Variants in GNRH2 observed in about 807,000 individuals in gnomAD.
GNRH2 encodes the protein progonadoliberin-2.
Under a neutral mutation model 12.1 loss-of-function variants are expected in GNRH2, and 15 were observed. That is an observed-to-expected ratio of 1.24 (90% CI 0.83 to 1.90). The LOEUF (loss-of-function observed/expected upper bound fraction) is 1.90, where lower values mean the gene tolerates loss of function less well. GNRH2 is among the 40% of genes most tolerant of loss of function. The probability of loss-of-function intolerance (pLI) is 0.00; values close to 1 mark genes in which losing one functional copy is unlikely to be tolerated. For missense variants in GNRH2, 143 were observed against 141.4 expected (o/e 1.01, Z -0.06); for synonymous variants, 60 against 62.0 (o/e 0.97, Z 0.15).
At chr20:3,044,859 A>G (rs757195563) in intron 3 of GNRH2, 23 bp downstream of exon 3, 1 of 1,584,226 alleles carries the variant, frequency 6.3e-7, no homozygotes, top group South Asian at 1.1e-5. Flanking sequence ...AGAGGTCCCC[A>G]GCATCAAGAC....
Position 3,045,672 on chromosome 20 carries a change from C to G in GNRH2, c.292-14C>G, listed in dbSNP as rs777257234. 9.3e-6 allele frequency: 15 copies of G among 1,607,858 alleles called. No individual in the cohort carries two copies. Among genetic ancestry groups the G allele is most frequent in the Admixed American group, 1.7e-5 (1 of 59,830 alleles). On this transcript the variant is annotated splice_polypyrimidine_tract_variant and intron_variant, in intron 3 of 3. Coordinates refer to ENST00000359100, the MANE Select transcript of GNRH2 (RefSeq NM_178331.2). ...CAGTGTCCTGAGACATGACCGCCAC[C>G]TCTCCCTCCGCAGACCGCAGCCCGA...
intron 3 of GNRH2, 90 bp downstream of exon 3, chr20:3,044,926 G>A (rs545874617): frequency 8.3e-6 from 9 of 1,090,346 alleles, no homozygotes; most frequent in East Asian, 7.8e-5. Flanking sequence ...GGAGGGTGGG[G>A]AGAATGAAAC....
intron 1 of GNRH2, 91 bp from the exon 2 acceptor site, chr20:3,044,317 T>G: frequency 4.9e-6 from 5 of 1,020,220 alleles, no homozygotes; most frequent in African/African-American, 1.6e-5. Flanking sequence ...AAGCTGCCCC[T>G]GAGATGCCAG....
At chr20:3,045,517 TC>T (rs2065979548) in intron 3 of GNRH2, among the ~76,000 whole-genome samples, 168 bp from the exon 4 acceptor site, 1 of 149,734 alleles carries the variant, frequency 6.7e-6, no homozygotes, top group African/African-American at 2.5e-5. Flanking sequence ...GAGCTGGAGA[TC>T]CCCACACTAG....
At position 3,044,304 on chromosome 20, in the gene GNRH2, C is replaced by G. The variant is rs1034257835; in HGVS notation, c.-7-104C>G. The G allele has an allele frequency of 3.5e-6, 3 of 868,264 alleles. No individual in the cohort carries two copies. In the African/African-American group the frequency reaches 4.9e-5, roughly 14 times the overall value. 53.8% of individuals were successfully genotyped at this position (868,264 alleles called of 1,614,324 possible). A position where few individuals can be genotyped will look rare whatever the true frequency, so the allele number is the denominator to read the frequency against. Reference sequence around the variant, plus strand: ...AGAGAGGGAAGGGCATAAGGAGATACCAAAGCTGCCCCTGAGATGCCAGTT... The same window carrying G: ...AGAGAGGGAAGGGCATAAGGAGATAGCAAAGCTGCCCCTGAGATGCCAGTT... On this transcript the variant is annotated intron_variant, in intron 1 of 3. Coordinates refer to ENST00000359100, the MANE Select transcript of GNRH2 (RefSeq NM_178331.2).
At position 3,044,546 on chromosome 20, in the gene GNRH2, C is replaced by A. The variant is rs140751719; in HGVS notation, c.132C>A (p.Pro44=). Residue 44 remains proline, a synonymous_variant, in exon 2 of 4, where the codon CCC becomes CCA. Transcript: ENST00000359100. ...GKRALSSAQD[P]QNALRPPAGS... is the part of the protein sequence containing the mutation. ...GAGCCCTCAGCTCAGCCCAGGATCC[C>A]CAGAATGCCCTTAGGCCCCCAGGTG... is the stretch of plus-strand genomic sequence containing the variant. 189 of 1,613,702 alleles carry A rather than the reference C, an allele frequency of 1.2e-4. No homozygotes were observed. Among genetic ancestry groups the A allele is most frequent in the Admixed American group, 1.5e-4 (9 of 60,004 alleles).
Position 3,045,709 on chromosome 20 carries a change from C to CA in GNRH2, c.315_316insA (p.Ala106SerfsTer7). On this transcript the variant is annotated frameshift_variant, in exon 4 of 4. Transcript: ENST00000359100. LOFTEE classifies it high-confidence loss of function. ...AGACCGCAGCCCGAGAGCCCCGCCC[C>CA]GCCCCGCCATCCTCCAATAAAGTGT... The CA allele has an allele frequency of 6.2e-7, 1 of 1,610,838 alleles. No homozygotes were observed. The highest frequency in any genetic ancestry group is 8.5e-7 in the Non-Finnish European group (1 of 1,177,408).
Position 3,044,788 on chromosome 20 carries a change from G to A in GNRH2, c.243G>A (p.Thr81=), listed in dbSNP as rs767818972. 2.4e-5 allele frequency: 38 copies of A among 1,612,082 alleles called. No individual in the cohort carries two copies. Among genetic ancestry groups the A allele is most frequent in the Middle Eastern group, 3.3e-4 (2 of 6,072 alleles). ...GCATGCCCTGGGAGGGCAGGACCAC[G>A]GCCCAGTGGTCCCTTCACAGGAAGC... ...DDSMPWEGRT[T]AQWSLHRKRH... is the part of the protein sequence containing the mutation. The change falls in exon 3 of 4, where the codon ACG becomes ACA. Residue 81 remains threonine, a synonymous_variant. Coordinates refer to ENST00000359100, the MANE Select transcript of GNRH2 (RefSeq NM_178331.2).
At chr20:3,045,608 G>A in intron 3 of GNRH2, 78 bp from the exon 4 acceptor site, 2 of 1,246,854 alleles carry the variant, frequency 1.6e-6, no homozygotes, top group Non-Finnish European at 2.3e-6. Flanking sequence ...GACGAGAGGG[G>A]AGAGAACCAG....
At position 3,044,818 on chromosome 20, in the gene GNRH2, C is replaced by T. The variant is rs1342694181; in HGVS notation, c.273C>T (p.His91=). 3 of 1,610,546 alleles carry T rather than the reference C, an allele frequency of 1.9e-6. No individual in the cohort carries two copies. Among genetic ancestry groups the T allele is most frequent in the African/African-American group, 1.3e-5 (1 of 74,864 alleles). Residue 91 remains histidine, a synonymous_variant, in exon 3 of 4, where the codon CAC becomes CAT. Transcript: ENST00000359100. ...AGTGGTCCCTTCACAGGAAGCGACACCTGGCACGGACACTGCTGGTGAGTA... is the reference window on the plus strand; with the variant it reads ...AGTGGTCCCTTCACAGGAAGCGACATCTGGCACGGACACTGCTGGTGAGTA... ...TAQWSLHRKR[H]LARTLLTAAR... is the part of the protein sequence containing the mutation.
Position 3,045,713 on chromosome 20 carries a change from C to CCGCCG in GNRH2, c.323_324insGCGCC (p.Ser109ArgfsTer?). 1 of 1,610,044 alleles carries CCGCCG rather than the reference C, an allele frequency of 6.2e-7. No homozygotes were observed. Among genetic ancestry groups the CCGCCG allele is most frequent in the South Asian group, 1.1e-5 (1 of 90,906 alleles). ...CGCAGCCCGAGAGCCCCGCCCCGCC[C>CCGCCG]CGCCATCCTCCAATAAAGTGTGAGG... On this transcript the variant is annotated frameshift_variant, in exon 4 of 4. Transcript: ENST00000359100. LOFTEE classifies it high-confidence loss of function.
rs1467343380 is a variant in GNRH2, at chr20:3,044,742, C to A, written c.197C>A (p.Ala66Asp). The A allele has an allele frequency of 6.2e-7, 1 of 1,611,526 alleles. No individual in the cohort carries two copies. Among genetic ancestry groups the A allele is most frequent in the Non-Finnish European group, 8.5e-7 (1 of 1,178,732 alleles). The change falls in exon 3 of 4, where the codon GCC becomes GAC. Residue 66 changes from alanine to aspartate, a missense_variant. Ala to Asp is a moderately radical substitution (Grantham distance 126). Transcript: ENST00000359100. ...ACTGCCCATGGCCTCCCAAGTGATG[C>A]CCTGGCTCCCCTGGACGACAGCATG... The part of the protein sequence containing the change: ...VQTAHGLPSD[A>D]LAPLDDSMPW...
rs554545164 is a variant in GNRH2, at chr20:3,044,418, G to C, written c.4G>C (p.Ala2Pro). The change falls in exon 2 of 4, where the codon GCC (alanine) becomes CCC (proline). Residue 2 changes from alanine to proline, a missense_variant. Transcript: ENST00000359100. ...TACCCTGTCCATTAGAGCAGCCATG[G>C]CCAGCTCCAGGCGAGGCCTCCTGCT... M[A>P]SSRRGLLLLL... 76 of 1,613,144 alleles carry C rather than the reference G, an allele frequency of 4.7e-5. No individual in the cohort carries two copies. In the South Asian group the frequency reaches 8.3e-4, roughly 18 times the overall value.
At chr20:3,044,127 G>C in intron 1 of GNRH2, 1 of 437,904 alleles carries the variant, frequency 2.3e-6, no homozygotes, top group Non-Finnish European at 4.2e-6. Flanking sequence ...GGATGGACCT[G>C]GACAAGTGGG....
chr20:3,045,627 C>A, intron 3 of GNRH2, 59 bp from the exon 4 acceptor site: 1 of 1,413,006 alleles, frequency 7.1e-7, no homozygotes, highest in Non-Finnish European at 1.0e-6. Context: ...AGGAAGATGG[C>A]AGCTCGGCGG....
chr20:3,044,610 C>T (rs1421003251), intron 2 of GNRH2, 42 bp downstream of exon 2: 2 of 1,609,830 alleles, frequency 1.2e-6, no homozygotes, highest in Admixed American at 1.7e-5. Context: ...AAAGTGATGG[C>T]CGGGGGCTCC....
Position 3,044,472 on chromosome 20 carries a change from C to A in GNRH2, c.58C>A (p.Pro20Thr). The A allele has an allele frequency of 1.9e-6, 3 of 1,613,540 alleles. No homozygotes were observed. The highest frequency in any genetic ancestry group is 2.5e-6 in the Non-Finnish European group (3 of 1,179,700). Residue 20 changes from proline (P) to threonine (T), a missense_variant, in exon 2 of 4, where the codon CCC becomes ACC. Coordinates refer to ENST00000359100, the MANE Select transcript of GNRH2 (RefSeq NM_178331.2). The part of the protein sequence containing the change: ...LLLLLTAHLG[P>T]SEAQHWSHGW... Reference sequence around the variant, plus strand: ...GCTGCTGCTGACTGCCCACCTTGGACCCTCAGAGGCTCAGCACTGGTCCCA... The same window carrying A: ...GCTGCTGCTGACTGCCCACCTTGGAACCTCAGAGGCTCAGCACTGGTCCCA...
rs184732548 is a variant in GNRH2, at chr20:3,045,289, G to T, written c.292-397G>T. 1.9e-4 allele frequency among the ~76,000 whole-genome samples: 29 copies of T among 152,306 alleles called. No homozygotes were observed. In the East Asian group the frequency reaches 5.4e-3, roughly 28 times the overall value. ...GTGCACTAGGAACATCTCAGGGACT[G>T]CAGAGCTCCCCAAGACCATAGCAGA... On this transcript the variant is annotated intron_variant, in intron 3 of 3. Coordinates refer to ENST00000359100, the MANE Select transcript of GNRH2 (RefSeq NM_178331.2).
intron 3 of GNRH2, 125 bp from the exon 4 acceptor site, chr20:3,045,561 G>A (rs1195199297): frequency 2.7e-6 from 2 of 751,980 alleles, no homozygotes; most frequent in Non-Finnish European, 4.5e-6. Context: ...GAGGCGGGGG[G>A]CGTCCTGCTG....
Sources: allele counts gnomAD v4.1 joint callset (sites outside exome capture counted in the v4.1 genomes callset), GRCh38; gene constraint gnomAD v4.1.1; transcripts MANE v1.5; gene names NCBI Gene and HGNC (gene_info 2026-07-23, HGNC 2026-07-21).